The following MYRIP variants were observed in gnomAD, a reference collection of about 807,000 sequenced individuals.
MYRIP encodes the protein rab effector MyRIP.
In MYRIP, 49 loss-of-function variants were observed where a neutral mutation model predicts 98.0. The observed-to-expected ratio is 0.50, with a 90% CI of 0.40 to 0.63. The LOEUF is 0.63. MYRIP is among the 30% of genes least tolerant of loss of function. The probability of loss-of-function intolerance (pLI) is 0.00; values close to 1 mark genes in which losing one functional copy is unlikely to be tolerated. For synonymous variants in MYRIP, 404 were observed against 409.5 expected, an observed-to-expected ratio of 0.99 and a Z score of 0.16; for missense variants, 1,004 against 1,058.2, an observed-to-expected ratio of 0.95 and a Z score of 0.71.
At chr3:40,100,200 T>C in intron 3 of MYRIP, 1 of 985,416 alleles carries the variant, frequency 1.0e-6, no homozygotes, top group Non-Finnish European at 1.2e-6. Context: ...TCAAGACACG[T>C]GAGCTAAATT....
intron 8 of MYRIP, among the ~76,000 whole-genome samples, chr3:40,172,544 T>C (rs2125601404): frequency 6.6e-6 from 1 of 152,282 alleles, no homozygotes; most frequent in East Asian, 1.9e-4. Flanking sequence ...TGGACATAGC[T>C]ATTGCTCTAT....
intron 8 of MYRIP, 66 bp from the exon 9 acceptor site, chr3:40,182,154 G>A (rs1950897213): frequency 2.7e-6 from 4 of 1,457,728 alleles, no homozygotes; most frequent in Non-Finnish European, 3.7e-6. Flanking sequence ...CCCCCAAAAG[G>A]TGAAGGCACA....
intron 1 of MYRIP, among the ~76,000 whole-genome samples, chr3:39,864,885 T>C (rs1201112891): frequency 6.6e-6 from 1 of 152,022 alleles, no homozygotes; most frequent in Non-Finnish European, 1.5e-5. Context: ...AGACATCATA[T>C]TACCCAATTT....
intron 2 of MYRIP, among the ~76,000 whole-genome samples, chr3:39,909,986 G>T (rs1943980554): frequency 2.0e-5 from 3 of 151,974 alleles, no homozygotes; most frequent in African/African-American, 7.3e-5. Flanking sequence ...TGCTTCCCGG[G>T]TTCAAGCGAT....
chr3:39,979,668 AC>A lies in MYRIP; in HGVS notation c.111-64381del, dbSNP rs1444431585. ...ACCAAAACAAAACAAAAAAAAAAAAACAAAAAAAAACTAAGCAGCTGACTTG... is the reference window on the plus strand; with the variant it reads ...ACCAAAACAAAACAAAAAAAAAAAAAAAAAAAAAACTAAGCAGCTGACTTG... On this transcript the variant is annotated intron_variant, in intron 2 of 16. Transcript: ENST00000302541. 6.7e-5 allele frequency among the ~76,000 whole-genome samples: 10 copies of A among 149,866 alleles called. No homozygotes were observed. In the South Asian group the frequency reaches 1.1e-3, roughly 16 times the overall value.
intron 8 of MYRIP, 115 bp downstream of exon 8, chr3:40,170,208 T>G: frequency 7.3e-7 from 1 of 1,362,952 alleles, no homozygotes; most frequent in Non-Finnish European, 9.9e-7. Context: ...TTCAGAAGGA[T>G]GGGGAGCGAA....
chr3:39,908,260 C>T (rs193136962), intron 2 of MYRIP, among the ~76,000 whole-genome samples: 203 of 152,192 alleles, frequency 1.3e-3, no homozygotes, highest in Non-Finnish European at 5.1e-4. Context: ...CTTTCCCAGG[C>T]GCAGCTGCCA....
At chr3:40,205,094 G>A (rs545040993) in intron 10 of MYRIP, among the ~76,000 whole-genome samples, 3 of 152,178 alleles carry the variant, frequency 2.0e-5, no homozygotes, top group South Asian at 2.1e-4. Context: ...GCCCCCCTTC[G>A]GCCTCCCTTG....
At chr3:39,876,705 A>G (rs1442884490) in intron 1 of MYRIP, among the ~76,000 whole-genome samples, 1 of 152,076 alleles carries the variant, frequency 6.6e-6, no homozygotes, top group Non-Finnish European at 1.5e-5. Context: ...TTCTGCCGAG[A>G]GATCTGCTGT....
chr3:39,982,087 A>G (rs1945910157), intron 2 of MYRIP, among the ~76,000 whole-genome samples: 1 of 152,252 alleles, frequency 6.6e-6, no homozygotes, highest in African/African-American at 2.4e-5. Flanking sequence ...TTCCAAGATC[A>G]TTCAATGAAA....
intron 11 of MYRIP, among the ~76,000 whole-genome samples, chr3:40,227,700 G>A (rs1183666973): frequency 6.6e-6 from 1 of 152,186 alleles, no homozygotes; most frequent in African/African-American, 2.4e-5. Context: ...AGTACATAAT[G>A]AGAGGCAGCT....
intron 3 of MYRIP, among the ~76,000 whole-genome samples, chr3:40,118,417 G>A (rs988666144): frequency 5.3e-5 from 8 of 152,118 alleles, no homozygotes; most frequent in African/African-American, 1.9e-4. Flanking sequence ...CTGAAGCACT[G>A]ACGTAATAGC....
chr3:39,878,571 C>T (rs1943073173), intron 1 of MYRIP, among the ~76,000 whole-genome samples: 1 of 151,776 alleles, frequency 6.6e-6, no homozygotes, highest in Non-Finnish European at 1.5e-5. Flanking sequence ...TATATATATA[C>T]ACAGAGGTGT....
At chr3:40,052,647 T>C in intron 3 of MYRIP, among the ~76,000 whole-genome samples, 1 of 152,164 alleles carries the variant, frequency 6.6e-6, no homozygotes, top group South Asian at 2.1e-4. Context: ...GCACTCTTTT[T>C]CCCAGTAATT....
intron 3 of MYRIP, among the ~76,000 whole-genome samples, chr3:40,118,902 C>A (rs1949339384): frequency 6.6e-6 from 1 of 151,980 alleles, no homozygotes; most frequent in African/African-American, 2.4e-5. Context: ...CTACAAAGGA[C>A]ATGAACTCAT....
chr3:40,032,636 A>T (rs903021340), intron 2 of MYRIP, among the ~76,000 whole-genome samples: 56 of 152,310 alleles, frequency 3.7e-4, no homozygotes, highest in African/African-American at 1.3e-3. Context: ...GAATTCTACC[A>T]GAGGTACAAG....
intron 9 of MYRIP, among the ~76,000 whole-genome samples, chr3:40,184,797 G>A (rs191996040): frequency 9.9e-5 from 15 of 152,202 alleles, no homozygotes; most frequent in Admixed American, 7.8e-4. Context: ...GCACCCATAG[G>A]TAATTTTTCA....
intron 2 of MYRIP, among the ~76,000 whole-genome samples, chr3:40,041,081 C>T (rs1393482929): frequency 7.8e-6 from 1 of 127,708 alleles, no homozygotes; most frequent in Non-Finnish European, 1.7e-5. Flanking sequence ...AAACAGGAAT[C>T]CCTGCATCCA....
intron 3 of MYRIP, among the ~76,000 whole-genome samples, chr3:40,056,476 C>G (rs113909479): frequency 0.29 from 44,029 of 151,788 alleles, 6,399 homozygotes; most frequent in East Asian, 0.36. Flanking sequence ...ACCACAGTTT[C>G]TCGAGGCTTA....
Sources: gnomAD v4.1 joint callset for allele counts (sites outside exome capture counted in the v4.1 genomes callset) on GRCh38, gnomAD v4.1.1 for gene constraint, MANE v1.5 for transcripts, NCBI Gene and HGNC (gene_info 2026-07-23, HGNC 2026-07-21) for gene names.